TNKS: variants seen among roughly 807,000 people sequenced by gnomAD.
TNKS encodes poly [ADP-ribose] polymerase tankyrase-1.
In TNKS, 72 loss-of-function variants were observed where a neutral mutation model predicts 135.8. That is an observed-to-expected ratio of 0.53 (90% CI 0.44 to 0.64). TNKS has a LOEUF of 0.64. TNKS is among the 30% of genes least tolerant of loss of function. TNKS has a pLI of 0.00. For missense variants in TNKS, 1,769 were observed against 1,674.0 expected (o/e 1.06, Z -0.99); for synonymous variants, 849 against 649.3 (o/e 1.31, Z -4.68).
At chr8:9,581,579 C>G (rs372396810) in intron 2 of TNKS, among the ~76,000 whole-genome samples, 2 of 152,308 alleles carry the variant, frequency 1.3e-5, no homozygotes, top group South Asian at 4.1e-4. Context: ...TATTATTGAG[C>G]TTGGAATGTG....
At position 9,751,622 on chromosome 8, in the gene TNKS, G is replaced by A. The variant is rs1806536436; in HGVS notation, c.2846G>A (p.Arg949Lys). 1 of 1,613,958 alleles carries A rather than the reference G, an allele frequency of 6.2e-7. No homozygotes were observed. Among genetic ancestry groups the A allele is most frequent in the African/African-American group, 1.3e-5 (1 of 75,006 alleles). The change falls in exon 19 of 27, where the codon AGA (arginine) becomes AAA (lysine). Residue 949 changes from arginine to lysine, a missense_variant. Arg to Lys is a conservative substitution (Grantham distance 26). This residue lies in a region of TNKS where 722 missense variants were observed against 688.9 expected (regional missense o/e 1.05). Transcript: ENST00000310430. Reference protein sequence around the residue: ...PLDLATADDIRALLIDAMPPE... With the variant: ...PLDLATADDIKALLIDAMPPE... ...TCATTTTTTTAGGCTGACGATATCA[G>A]AGCTTTGCTGATAGATGCCATGCCC...
At chr8:9,749,497 C>T (rs536590681) in intron 18 of TNKS, among the ~76,000 whole-genome samples, 27 of 146,400 alleles carry the variant, frequency 1.8e-4, no homozygotes, top group African/African-American at 6.8e-4. Context: ...CCCCTTAAGA[C>T]ACAGTCTGGC....
intron 2 of TNKS, among the ~76,000 whole-genome samples, chr8:9,612,031 C>T (rs1197483323): frequency 6.6e-6 from 1 of 152,054 alleles, no homozygotes; most frequent in Non-Finnish European, 1.5e-5. Context: ...AGGTCTTTGG[C>T]TATAACTTTA....
intron 2 of TNKS, among the ~76,000 whole-genome samples, chr8:9,598,765 GTATA>G (rs71201956): frequency 0.02 from 983 of 48,640 alleles, 8 homozygotes; most frequent in Admixed American, 0.022. Context: ...ATGTGTGTGT[GTATA>G]TATATATATA....
chr8:9,629,456 C>A (rs954852520), intron 3 of TNKS, among the ~76,000 whole-genome samples: 5 of 152,186 alleles, frequency 3.3e-5, no homozygotes, highest in Non-Finnish European at 7.3e-5. Context: ...GAAAAACATT[C>A]AGACTTTTAA....
chr8:9,613,361 T>A (rs56873568), intron 2 of TNKS, among the ~76,000 whole-genome samples: 3,645 of 152,278 alleles, frequency 0.024, 143 homozygotes, highest in African/African-American at 0.081. Context: ...CTTGTCACTT[T>A]ATGTTCTAAT....
chr8:9,705,879 A>T (rs565419726), intron 6 of TNKS, among the ~76,000 whole-genome samples: 1 of 152,360 alleles, frequency 6.6e-6, no homozygotes, highest in African/African-American at 2.4e-5. Flanking sequence ...ACCAATTAAC[A>T]TTTATTTCTT....
intron 3 of TNKS, among the ~76,000 whole-genome samples, chr8:9,632,434 T>G (rs375700154): frequency 8.5e-5 from 13 of 152,212 alleles, no homozygotes; most frequent in Admixed American, 5.9e-4. Flanking sequence ...ATATATTTTT[T>G]CTTCTCAGCA....
At chr8:9,663,486 T>G (rs1490013098) in intron 3 of TNKS, among the ~76,000 whole-genome samples, 2 of 152,256 alleles carry the variant, frequency 1.3e-5, no homozygotes, top group East Asian at 3.8e-4. Context: ...ATGAGCACTC[T>G]TCCAACAGCA....
intron 1 of TNKS, chr8:9,557,639 G>T (rs1472732316): frequency 6.6e-6 from 1 of 151,852 alleles, no homozygotes; most frequent in African/African-American, 2.4e-5. Flanking sequence ...AAAATGAAAG[G>T]CATCACACAG....
At chr8:9,622,458 T>A (rs1366111328) in intron 3 of TNKS, among the ~76,000 whole-genome samples, 1 of 152,226 alleles carries the variant, frequency 6.6e-6, no homozygotes, top group Non-Finnish European at 1.5e-5. Context: ...ATTGTTATTG[T>A]ACTCATTTTT....
intron 11 of TNKS, among the ~76,000 whole-genome samples, chr8:9,711,477 A>G (rs1002041694): frequency 6.6e-6 from 1 of 152,224 alleles, no homozygotes; most frequent in African/African-American, 2.4e-5. Context: ...ATCATACTTG[A>G]TCAGAGTAGT....
At chr8:9,589,715 G>C (rs947585462) in intron 2 of TNKS, among the ~76,000 whole-genome samples, 3 of 152,246 alleles carry the variant, frequency 2.0e-5, no homozygotes, top group African/African-American at 7.2e-5. Context: ...TAGCGGGGCT[G>C]GGAGCCACGT....
At position 9,746,738 on chromosome 8, in the gene TNKS, G is replaced by C. The variant is rs148399241; in HGVS notation, c.2644-1286G>C. The stretch of plus-strand genomic sequence containing the variant: ...GCTGGTTGGTAGGTGAGTGGTGGGA[G>C]AGTGAGTAAGTGAATGATGCCCCCT... On this transcript the variant is annotated intron_variant, in intron 17 of 26. Coordinates refer to ENST00000310430, the MANE Select transcript of TNKS (RefSeq NM_003747.3). Among the ~76,000 whole-genome samples, 141 of 152,232 alleles carry C rather than the reference G, an allele frequency of 9.3e-4. 2 individuals carry two copies. In the East Asian group the frequency reaches 0.022, roughly 24 times the overall value.
chr8:9,623,219 CAT>C (rs953901950), intron 3 of TNKS, among the ~76,000 whole-genome samples: 2 of 152,156 alleles, frequency 1.3e-5, no homozygotes, highest in Non-Finnish European at 2.9e-5. Context: ...GGTTGATGAA[CAT>C]TCATTTGAAA....
intron 25 of TNKS, among the ~76,000 whole-genome samples, chr8:9,769,830 C>G (rs568714590): frequency 3.6e-4 from 55 of 151,858 alleles, no homozygotes; most frequent in Admixed American, 3.6e-3. Flanking sequence ...CCGTGTTAGC[C>G]AGGATGGTCT....
At chr8:9,590,829 C>G (rs866489977) in intron 2 of TNKS, among the ~76,000 whole-genome samples, 7 of 152,206 alleles carry the variant, frequency 4.6e-5, no homozygotes, top group Admixed American at 3.3e-4. Context: ...CAAATACTTT[C>G]TCCCATTCTT....
intron 12 of TNKS, among the ~76,000 whole-genome samples, chr8:9,726,166 G>A (rs1805150508): frequency 6.6e-6 from 1 of 152,180 alleles, no homozygotes; most frequent in African/African-American, 2.4e-5. Context: ...TGAAGCAGGA[G>A]GATCACTTGA....
In TNKS at chr8:9,717,081, A is replaced by T. The variant is rs1451794948; in HGVS notation, c.1750-3293A>T. Among the ~76,000 whole-genome samples the T allele has an allele frequency of 4.3e-5, 5 of 117,622 alleles. 2 individuals carry two copies. The highest frequency in any genetic ancestry group is 1.5e-4 in the African/African-American group (5 of 33,232). The allele number at this position is 117,622 out of a possible 152,430, so 77.2% of individuals were successfully genotyped here. ...TAATCTGTTGTATTATAATATATATATATATATATATATATATATATTTTC... is the reference window on the plus strand; with the variant it reads ...TAATCTGTTGTATTATAATATATATTTATATATATATATATATATATTTTC... On this transcript the variant is annotated intron_variant, in intron 11 of 26. Transcript: ENST00000310430.
Sources: allele counts gnomAD v4.1 joint callset (sites outside exome capture counted in the v4.1 genomes callset), GRCh38; gene constraint gnomAD v4.1.1; regional missense constraint gnomAD v4.1.1; transcripts MANE v1.5; gene names NCBI Gene and HGNC (gene_info 2026-07-23, HGNC 2026-07-21).